ADAMTS19: variants seen among roughly 807,000 people sequenced by gnomAD.
ADAMTS19 encodes the protein A disintegrin and metalloproteinase with thrombospondin motifs 19.
ADAMTS19 carries 93 observed loss-of-function variants against 153.3 expected under a neutral mutation model. That is an observed-to-expected ratio of 0.61 (90% confidence interval 0.51 to 0.72). The LOEUF (loss-of-function observed/expected upper bound fraction) is 0.72. Among genes scored for constraint, ADAMTS19 ranks in the 30% least tolerant of loss-of-function variants. ADAMTS19 has a pLI of 0.00. For synonymous variants in ADAMTS19, 600 were observed against 556.6 expected, an observed-to-expected ratio of 1.08 and a Z score of -1.10; for missense variants, 1,482 against 1,552.1, an observed-to-expected ratio of 0.95 and a Z score of 0.76.
intron 20 of ADAMTS19, among the ~76,000 whole-genome samples, chr5:129,702,025 A>G (rs114827693): frequency 0.013 from 2,007 of 152,288 alleles, 47 homozygotes; most frequent in African/African-American, 0.045. Flanking sequence ...TCACCTGTGC[A>G]GGAAACTTAA....
At chr5:129,727,515 T>C (rs900210822) in intron 21 of ADAMTS19, among the ~76,000 whole-genome samples, 1 of 152,152 alleles carries the variant, frequency 6.6e-6, no homozygotes, top group Non-Finnish European at 1.5e-5. Flanking sequence ...ATATTTCGGT[T>C]TTAACATAAG....
At chr5:129,517,953 C>T (rs985711343) in intron 3 of ADAMTS19, among the ~76,000 whole-genome samples, 1 of 151,858 alleles carries the variant, frequency 6.6e-6, no homozygotes, top group Non-Finnish European at 1.5e-5. Flanking sequence ...TCTATGTATT[C>T]ACCATATGTT....
intron 8 of ADAMTS19, among the ~76,000 whole-genome samples, chr5:129,605,008 G>A (rs772502666): frequency 6.6e-6 from 1 of 152,158 alleles, no homozygotes; most frequent in Non-Finnish European, 1.5e-5. Flanking sequence ...TTCATCAGCT[G>A]TTGACTCCAC....
At position 129,519,330 on chromosome 5, in the gene ADAMTS19, T is replaced by G. The variant is rs200649825; in HGVS notation, c.914-6954T>G. 2.8e-4 allele frequency among the ~76,000 whole-genome samples: 42 copies of G among 152,196 alleles called. 1 individual carries two copies. The East Asian group carries it at 5.4e-3, about 20-fold the overall frequency. The stretch of plus-strand genomic sequence containing the variant: ...CTAACTGGCACCCTATCCTGTGTGG[T>G]TGTGCTCATATCCTAGATGTAAGAC... On this transcript the variant is annotated intron_variant, in intron 3 of 22. Transcript: ENST00000274487.
chr5:129,732,639 G>A (rs1757487733), intron 21 of ADAMTS19, among the ~76,000 whole-genome samples: 2 of 151,942 alleles, frequency 1.3e-5, no homozygotes, highest in Admixed American at 6.6e-5. Flanking sequence ...AAGGAGAGCT[G>A]CAAAACACTG....
intron 14 of ADAMTS19, among the ~76,000 whole-genome samples, chr5:129,657,367 C>A (rs1753590753): frequency 6.6e-6 from 1 of 152,116 alleles, no homozygotes; most frequent in South Asian, 2.1e-4. Flanking sequence ...AAAATTTCCT[C>A]TAAAATAATT....
intron 21 of ADAMTS19, among the ~76,000 whole-genome samples, chr5:129,728,105 G>A (rs1757282014): frequency 1.3e-5 from 2 of 152,114 alleles, no homozygotes; most frequent in Admixed American, 1.3e-4. Context: ...TATACATTAT[G>A]CATTAGCATG....
chr5:129,673,196 A>C (rs534193309), intron 16 of ADAMTS19, among the ~76,000 whole-genome samples: 1 of 151,904 alleles, frequency 6.6e-6, no homozygotes, highest in African/African-American at 2.4e-5. Flanking sequence ...GCCCTTTATT[A>C]GTTTCTTGCT....
intron 15 of ADAMTS19, among the ~76,000 whole-genome samples, chr5:129,661,292 T>C (rs1354497094): frequency 6.6e-6 from 1 of 152,240 alleles, no homozygotes; most frequent in African/African-American, 2.4e-5. Flanking sequence ...ATCAGCATAG[T>C]ATGCGATCCA....
intron 8 of ADAMTS19, among the ~76,000 whole-genome samples, chr5:129,614,152 T>C (rs960463383): frequency 3.9e-5 from 6 of 151,944 alleles, no homozygotes; most frequent in African/African-American, 1.4e-4. Context: ...TTCCAATCAA[T>C]AGAAAAAGAG....
chr5:129,616,054 A>C (rs749128948), intron 8 of ADAMTS19, among the ~76,000 whole-genome samples: 2 of 152,026 alleles, frequency 1.3e-5, no homozygotes, highest in African/African-American at 4.8e-5. Flanking sequence ...TTAACCTCTA[A>C]TTTTTTACCT....
chr5:129,499,761 GA>G (rs973687327), intron 2 of ADAMTS19, among the ~76,000 whole-genome samples: 1 of 152,100 alleles, frequency 6.6e-6, no homozygotes, highest in Non-Finnish European at 1.5e-5. Flanking sequence ...GATTGTTTTT[GA>G]ATATGAATCT....
In ADAMTS19 at chr5:129,614,227, C is replaced by A. The variant is rs548627760; in HGVS notation, c.1479-6391C>A. 5.3e-5 allele frequency among the ~76,000 whole-genome samples: 8 copies of A among 151,946 alleles called. No individual in the cohort carries two copies. The South Asian group carries it at 6.2e-4, about 12-fold the overall frequency. ...ATAATACCAAAGCCTGGCAGAGACACACAAAAAAAGAGAATTTTAGACCAA... is the reference window on the plus strand; with the variant it reads ...ATAATACCAAAGCCTGGCAGAGACAAACAAAAAAAGAGAATTTTAGACCAA... On this transcript the variant is annotated intron_variant, in intron 8 of 22. Coordinates refer to ENST00000274487, the MANE Select transcript of ADAMTS19 (RefSeq NM_133638.6).
At chr5:129,668,981 G>A (rs2127090631) in intron 16 of ADAMTS19, among the ~76,000 whole-genome samples, 1 of 152,016 alleles carries the variant, frequency 6.6e-6, no homozygotes, top group Non-Finnish European at 1.5e-5. Context: ...CTTTCTGATT[G>A]CAAAACTTCC....
At chr5:129,559,391 A>T (rs932180886) in intron 7 of ADAMTS19, among the ~76,000 whole-genome samples, 12 of 151,446 alleles carry the variant, frequency 7.9e-5, no homozygotes, top group Non-Finnish European at 1.5e-4. Flanking sequence ...AGGGTGAATT[A>T]AAAAAAAATA....
intron 15 of ADAMTS19, among the ~76,000 whole-genome samples, 167 bp from the exon 16 acceptor site, chr5:129,665,332 T>C (rs1753996512): frequency 6.6e-6 from 1 of 152,144 alleles, no homozygotes; most frequent in African/African-American, 2.4e-5. Context: ...TCCAAGAAAC[T>C]TCACTGGAAA....
At chr5:129,655,683 A>G (rs774416111) in intron 14 of ADAMTS19, among the ~76,000 whole-genome samples, 1 of 152,174 alleles carries the variant, frequency 6.6e-6, no homozygotes, top group Non-Finnish European at 1.5e-5. Context: ...ATTGAAAACA[A>G]TTTCAAGCTA....
intron 18 of ADAMTS19, among the ~76,000 whole-genome samples, chr5:129,685,476 AAAT>A (rs1245108459): frequency 2.0e-5 from 3 of 152,154 alleles, no homozygotes; most frequent in Non-Finnish European, 2.9e-5. Context: ...AATAAATAAA[AAAT>A]AATGTAGACT....
At chr5:129,529,452 G>A (rs2126770469) in intron 6 of ADAMTS19, among the ~76,000 whole-genome samples, 1 of 152,222 alleles carries the variant, frequency 6.6e-6, no homozygotes, top group African/African-American at 2.4e-5. Flanking sequence ...TCTCTATGCA[G>A]GAACACAATT....
Sources: gnomAD v4.1 joint callset for allele counts (sites outside exome capture counted in the v4.1 genomes callset) on GRCh38, gnomAD v4.1.1 for gene constraint, MANE v1.5 for transcripts, NCBI Gene and HGNC (gene_info 2026-07-23, HGNC 2026-07-21) for gene names.